MYH10: variants seen among roughly 807,000 people sequenced by gnomAD.
MYH10 encodes myosin heavy chain 10.
MYH10 carries 55 observed loss-of-function variants against 257.8 expected under a neutral mutation model. The ratio of observed to expected loss-of-function variants is 0.21; its 90% confidence interval spans 0.17 to 0.27. The LOEUF is 0.27. MYH10 is among the 10% of genes least tolerant of loss of function. The pLI is 1.00. For missense variants in MYH10, 1,631 were observed against 2,500.6 expected (o/e 0.65, Z 7.42); for synonymous variants, 854 against 921.7 (o/e 0.93, Z 1.33).
At chr17:8,573,952 T>C (rs1776416398) in intron 6 of MYH10, 2 of 317,514 alleles carry the variant, frequency 6.3e-6, no homozygotes, top group South Asian at 2.5e-4. Flanking sequence ...ATGTTCCTGG[T>C]GGCAATGTCA....
At position 8,506,142 on chromosome 17, in the gene MYH10, T is replaced by C. The variant is rs929830234; in HGVS notation, c.3386+176A>G. The C allele has an allele frequency of 4.2e-5, 23 of 544,048 alleles. No individual in the cohort carries two copies. Among genetic ancestry groups the C allele is most frequent in the Middle Eastern group, 9.4e-4 (2 of 2,120 alleles). The allele number at this position is 544,048 out of a possible 1,614,324, so 33.7% of individuals were successfully genotyped here. A position where few individuals can be genotyped will look rare whatever the true frequency, so the allele number is the denominator to read the frequency against. Reference sequence around the variant, plus strand: ...TATTGAGATGGTTTATGAGACTTTCTTGCTGTCCTGACACAAATTCTGTAC... The same window carrying C: ...TATTGAGATGGTTTATGAGACTTTCCTGCTGTCCTGACACAAATTCTGTAC... On this transcript the variant is annotated intron_variant, in intron 27 of 42. Coordinates refer to ENST00000360416, the MANE Select transcript of MYH10 (RefSeq NM_001256012.3). The surrounding 1 kb of genome is among the most constrained non-coding windows in gnomAD (Gnocchi z 5.0).
rs377471312 is a variant in MYH10, at chr17:8,480,382, C to T, written c.5388+20G>A. ...GGGTGGCACAGCCCTCCCTGGGTGA[C>T]GGGCTCCTGCATGGGCCACCTGTAG... On this transcript the variant is annotated intron_variant, in intron 39 of 42. Coordinates refer to ENST00000360416, the MANE Select transcript of MYH10 (RefSeq NM_001256012.3). 1.2e-5 allele frequency: 19 copies of T among 1,613,022 alleles called. No homozygotes were observed. The highest frequency in any genetic ancestry group is 5.5e-5 in the South Asian group (5 of 91,038).
intron 19 of MYH10, among the ~76,000 whole-genome samples, chr17:8,520,428 G>C (rs757587066): frequency 6.6e-6 from 1 of 152,062 alleles, no homozygotes; most frequent in Non-Finnish European, 1.5e-5. Flanking sequence ...CCTGGGAGGC[G>C]GAGGTTGCAG....
chr17:8,493,306 T>G (rs1916062143), intron 32 of MYH10, among the ~76,000 whole-genome samples: 1 of 149,598 alleles, frequency 6.7e-6, no homozygotes, highest in African/African-American at 2.5e-5. Flanking sequence ...ATCACGCCAC[T>G]GCACTCCAGC....
rs1000486235 is a variant in MYH10, at chr17:8,535,077, C to A, written c.1894+310G>T. ...TTCTCGGGTTTTGTGTTCCAGTGTTCCTGGATTACAACTGACTTGGGACTG... is the reference window on the plus strand; with the variant it reads ...TTCTCGGGTTTTGTGTTCCAGTGTTACTGGATTACAACTGACTTGGGACTG... On this transcript the variant is annotated intron_variant, in intron 16 of 42. Transcript: ENST00000360416. This position sits in a 1 kb window ranked among gnomAD's most constrained non-coding sequence, Gnocchi z 4.3. Among the ~76,000 whole-genome samples the A allele has an allele frequency of 6.6e-6, 1 of 152,194 alleles. No homozygotes were observed. Among genetic ancestry groups the A allele is most frequent in the South Asian group, 2.1e-4 (1 of 4,822 alleles).
chr17:8,529,976 A>G (rs1366576668), intron 17 of MYH10, among the ~76,000 whole-genome samples: 1 of 152,208 alleles, frequency 6.6e-6, no homozygotes, highest in Non-Finnish European at 1.5e-5. Flanking sequence ...TTAAGGTTCA[A>G]TGTATAATTC....
At chr17:8,505,545 T>C (rs2036026) in intron 27 of MYH10, among the ~76,000 whole-genome samples, 64,181 of 152,110 alleles carry the variant, frequency 0.42, 13,503 homozygotes, top group East Asian at 0.5. Context: ...AAATAGTTAT[T>C]CTTTATAAAG....
chr17:8,497,072 G>A (rs143732114), intron 30 of MYH10, among the ~76,000 whole-genome samples: 6 of 152,208 alleles, frequency 3.9e-5, no homozygotes, highest in Non-Finnish European at 8.8e-5. Flanking sequence ...GCTGGGAGAG[G>A]ACTCCTGGAA....
intron 9 of MYH10, among the ~76,000 whole-genome samples, chr17:8,549,376 G>T (rs565337591): frequency 3.9e-5 from 6 of 152,334 alleles, no homozygotes; most frequent in Admixed American, 3.3e-4. Context: ...GCAGACTATT[G>T]TAACAGGTAC....
At chr17:8,484,510 G>A (rs181935805) in intron 36 of MYH10, among the ~76,000 whole-genome samples, 3 of 152,174 alleles carry the variant, frequency 2.0e-5, no homozygotes, top group Admixed American at 2.0e-4. Context: ...AAGTATATGG[G>A]AATGACAAGG....
At chr17:8,554,073 G>T in intron 7 of MYH10, 55 bp from the exon 8 acceptor site, 1 of 1,211,246 alleles carries the variant, frequency 8.3e-7, no homozygotes, top group Non-Finnish European at 1.2e-6. Context: ...TACTGGATAT[G>T]AACACTAATA....
intron 28 of MYH10, among the ~76,000 whole-genome samples, 170 bp from the exon 29 acceptor site, chr17:8,501,140 A>G (rs570443783): frequency 6.6e-6 from 1 of 152,290 alleles, no homozygotes; most frequent in East Asian, 1.9e-4. Context: ...GATATCAGAA[A>G]TCCTCCTAGA....
chr17:8,557,034 C>A (rs749766796), intron 7 of MYH10, among the ~76,000 whole-genome samples: 4 of 152,086 alleles, frequency 2.6e-5, no homozygotes, highest in Non-Finnish European at 5.9e-5. Flanking sequence ...CTTGCCCATC[C>A]TTTTACTTAC....
chr17:8,607,087 C>A (rs1158692726), intron 2 of MYH10, among the ~76,000 whole-genome samples: 1 of 152,178 alleles, frequency 6.6e-6, no homozygotes, highest in African/African-American at 2.4e-5. Flanking sequence ...AACCTCAATA[C>A]CTTTTTAGGA....
chr17:8,608,333 G>T (rs1379732361), intron 2 of MYH10, among the ~76,000 whole-genome samples: 1 of 152,226 alleles, frequency 6.6e-6, no homozygotes, highest in Non-Finnish European at 1.5e-5. Context: ...ACAGGGCCTA[G>T]ATGACAGAAA....
At chr17:8,502,480 T>TTG (rs55865122) in intron 28 of MYH10, among the ~76,000 whole-genome samples, 2,861 of 150,246 alleles carry the variant, frequency 0.019, 83 homozygotes, top group African/African-American at 0.065. Context: ...GGGAAAATAG[T>TTG]TGTGTGTGTG....
At chr17:8,587,351 C>T (rs1331282020) in intron 4 of MYH10, among the ~76,000 whole-genome samples, 11 of 152,114 alleles carry the variant, frequency 7.2e-5, no homozygotes, top group Admixed American at 7.2e-4. Flanking sequence ...TATATAACTC[C>T]TCAAGGCTAA....
chr17:8,511,041 T>TATATATAA (rs2081264080), intron 24 of MYH10: 1 of 8,440 alleles, frequency 1.2e-4, no homozygotes, highest in African/African-American at 1.7e-4. Flanking sequence ...TATATATATA[T>TATATATAA]ATATATATAT....
intron 14 of MYH10, among the ~76,000 whole-genome samples, chr17:8,536,246 A>C (rs1274500671): frequency 6.6e-6 from 1 of 152,186 alleles, no homozygotes; most frequent in Non-Finnish European, 1.5e-5. Flanking sequence ...CCAGAAACGC[A>C]GTGGGAAGTG....
Sources: gnomAD v4.1 joint callset for allele counts (sites outside exome capture counted in the v4.1 genomes callset) on GRCh38, gnomAD v4.1.1 for gene constraint, Gnocchi (gnomAD v3.1) non-coding constraint, MANE v1.5 for transcripts, NCBI Gene and HGNC (gene_info 2026-07-23, HGNC 2026-07-21) for gene names.